KALRN: variants seen among roughly 807,000 people sequenced by gnomAD.
KALRN encodes the protein kalirin RhoGEF kinase.
In KALRN, 70 loss-of-function variants were observed where a neutral mutation model predicts 353.7. The observed-to-expected ratio is 0.20, with a 90% CI of 0.16 to 0.24. The LOEUF (loss-of-function observed/expected upper bound fraction) is 0.24, where lower values mean the gene tolerates loss of function less well. Ranked by LOEUF, KALRN falls within the 10% of genes least tolerant of loss-of-function variation. KALRN has a pLI of 1.00. For missense variants in KALRN, 2,791 were observed against 3,756.7 expected (o/e 0.74, Z 6.72); for synonymous variants, 1,391 against 1,434.8 (o/e 0.97, Z 0.69).
intron 10 of KALRN, among the ~76,000 whole-genome samples, chr3:124,355,237 G>A (rs1430474522): frequency 6.6e-6 from 1 of 152,168 alleles, no homozygotes; most frequent in African/African-American, 2.4e-5. Flanking sequence ...GAGCAGAGAG[G>A]AATGTTAAAG....
intron 1 of KALRN, among the ~76,000 whole-genome samples, chr3:124,154,729 A>C (rs1157360503): frequency 2.0e-5 from 3 of 152,300 alleles, no homozygotes; most frequent in African/African-American, 7.2e-5. Context: ...CAAGCTACCA[A>C]TGACTTTCTT....
At chr3:124,672,947 T>C (rs897948388) in intron 48 of KALRN, among the ~76,000 whole-genome samples, 4 of 152,218 alleles carry the variant, frequency 2.6e-5, no homozygotes, top group African/African-American at 9.7e-5. Context: ...ATATTGGTTA[T>C]ATTAAAAAAT....
intron 39 of KALRN, among the ~76,000 whole-genome samples, chr3:124,656,315 G>A (rs1202321986): frequency 3.9e-5 from 6 of 152,110 alleles, no homozygotes; most frequent in African/African-American, 1.4e-4. Context: ...AGAACATGAA[G>A]TCTAAAAGTT....
At chr3:124,086,456 T>G (rs547014988) in intron 1 of KALRN, among the ~76,000 whole-genome samples, 4 of 152,116 alleles carry the variant, frequency 2.6e-5, no homozygotes, top group African/African-American at 4.8e-5. Context: ...TTACTTTTTA[T>G]CAGTCATTTA....
chr3:124,572,751 G>T (rs981068490), intron 34 of KALRN, among the ~76,000 whole-genome samples: 1 of 152,212 alleles, frequency 6.6e-6, no homozygotes, highest in Non-Finnish European at 1.5e-5. Context: ...ACCTCGGTAT[G>T]CAGTAGACTA....
At chr3:124,648,529 C>A (rs2083031508) in intron 37 of KALRN, among the ~76,000 whole-genome samples, 1 of 152,220 alleles carries the variant, frequency 6.6e-6, no homozygotes, top group East Asian at 1.9e-4. Flanking sequence ...CACTGAGCAG[C>A]AATTCACTAG....
rs185670846 is a variant in KALRN at position 124,184,305 on chromosome 3, G to A, written c.74-43685G>A. On this transcript the variant is annotated intron_variant, in intron 1 of 59. Transcript: ENST00000682506. ...TACCTCATAATGTTGTTGTAAGGATGGGATGAATTAATATGGTTGAAGAGC... is the reference window on the plus strand; with the variant it reads ...TACCTCATAATGTTGTTGTAAGGATAGGATGAATTAATATGGTTGAAGAGC... Among the ~76,000 whole-genome samples, 20 of 152,292 alleles carry A rather than the reference G, an allele frequency of 1.3e-4. No homozygotes were observed. In the East Asian group the frequency reaches 3.7e-3, roughly 28 times the overall value.
intron 55 of KALRN, among the ~76,000 whole-genome samples, chr3:124,698,062 T>TG (rs2062138973): frequency 6.6e-6 from 1 of 152,136 alleles, no homozygotes; most frequent in Admixed American, 6.5e-5. Flanking sequence ...CTCCACCTCC[T>TG]GGGCTCAAGC....
At chr3:124,343,829 A>G (rs1439936980) in intron 9 of KALRN, among the ~76,000 whole-genome samples, 5 of 152,244 alleles carry the variant, frequency 3.3e-5, no homozygotes, top group Non-Finnish European at 7.3e-5. Flanking sequence ...CTGAGTTCTC[A>G]GCATCAGGCC....
Position 124,661,831 on chromosome 3 carries a change from A to T in KALRN, c.6268-20A>T. ...TGAGTGCTGTTCCCCCTCCTGAGTA[A>T]CAGTTGTTCTTTCCCACAGAAAGCA... On this transcript the variant is annotated intron_variant, in intron 44 of 59. Coordinates refer to ENST00000682506, the MANE Select transcript of KALRN (RefSeq NM_001388419.1). 1.9e-6 allele frequency: 3 copies of T among 1,605,008 alleles called. No homozygotes were observed. Among genetic ancestry groups the T allele is most frequent in the Non-Finnish European group, 1.7e-6 (2 of 1,171,812 alleles).
intron 32 of KALRN, among the ~76,000 whole-genome samples, chr3:124,493,844 ACCT>A (rs1577404149): frequency 6.6e-6 from 1 of 152,064 alleles, no homozygotes; most frequent in Non-Finnish European, 1.5e-5. Flanking sequence ...GGATAAGTTC[ACCT>A]CCTCAGTGCT....
intron 45 of KALRN, among the ~76,000 whole-genome samples, chr3:124,664,408 A>C (rs2085347259): frequency 6.8e-6 from 1 of 147,390 alleles, no homozygotes; most frequent in Admixed American, 6.8e-5. Context: ...CAAGCACAGA[A>C]TCAAGCTTTT....
chr3:124,036,035 A>ATTC (rs916418487), intron 1 of KALRN, among the ~76,000 whole-genome samples: 1 of 151,732 alleles, frequency 6.6e-6, no homozygotes, highest in African/African-American at 2.4e-5. Flanking sequence ...CTTGCTGGGG[A>ATTC]TTCTTCTTCT....
chr3:124,658,487 C>T lies in KALRN; in HGVS notation c.6093C>T (p.Tyr2031=). 2 of 1,614,022 alleles carry T rather than the reference C, an allele frequency of 1.2e-6. No homozygotes were observed. Among genetic ancestry groups the T allele is most frequent in the South Asian group, 1.1e-5 (1 of 91,068 alleles). Residue 2031 remains tyrosine (Y), a synonymous_variant, in exon 42 of 60, where the codon TAC becomes TAT. Transcript: ENST00000682506. The stretch of plus-strand genomic sequence containing the variant: ...GTCAGAATAAGCCGCGCTCAGAGTA[C>T]ATCGTTGCTGAGTATGACGCCTACT... The part of the protein sequence containing the change: ...WYCQNKPRSE[Y]IVAEYDAYFE...
At chr3:124,441,899 C>A in intron 18 of KALRN, 46 bp from the exon 19 acceptor site, 1 of 1,236,036 alleles carries the variant, frequency 8.1e-7, no homozygotes, top group Non-Finnish European at 1.1e-6. Context: ...GTCTTGGATT[C>A]CATACACCTG....
chr3:124,594,127 G>A (rs752789925), intron 34 of KALRN, among the ~76,000 whole-genome samples: 20 of 152,228 alleles, frequency 1.3e-4, no homozygotes, highest in South Asian at 2.1e-4. Flanking sequence ...ATTCTTTTCC[G>A]TATGTTTACC....
Position 124,438,986 on chromosome 3 carries a change from T to C in KALRN, c.3147T>C (p.His1049=). 1 of 1,614,106 alleles carries C rather than the reference T, an allele frequency of 6.2e-7. No homozygotes were observed. Among genetic ancestry groups the C allele is most frequent in the Non-Finnish European group, 8.5e-7 (1 of 1,180,006 alleles). Residue 1049 remains histidine (H), a synonymous_variant, in exon 18 of 60, where the codon CAT becomes CAC. Transcript: ENST00000682506. ...DKLGPAAEID[H]VIPLISKHLE... ...TGGGGCCAGCAGCAGAGATCGACCA[T>C]GTCATTCCCCTCATCAGCAAACATT...
intron 1 of KALRN, among the ~76,000 whole-genome samples, chr3:124,199,508 CAAG>C (rs1374175428): frequency 6.6e-6 from 1 of 152,032 alleles, no homozygotes; most frequent in African/African-American, 2.4e-5. Context: ...AGAAATGTAA[CAAG>C]AAGGATTGAT....
At chr3:124,273,100 C>T (rs2074340571) in intron 5 of KALRN, among the ~76,000 whole-genome samples, 1 of 152,230 alleles carries the variant, frequency 6.6e-6, no homozygotes, top group Admixed American at 6.5e-5. Context: ...TGCAGGGTGA[C>T]AGCTTGTTCC....
Sources: allele counts gnomAD v4.1 joint callset (sites outside exome capture counted in the v4.1 genomes callset), GRCh38; gene constraint gnomAD v4.1.1; transcripts MANE v1.5; gene names NCBI Gene and HGNC (gene_info 2026-07-23, HGNC 2026-07-21).